Variants in GPR176 observed in about 807,000 individuals in gnomAD.
GPR176 encodes G-protein coupled receptor 176.
In GPR176, 26 loss-of-function variants were observed where a neutral mutation model predicts 35.4. The observed-to-expected ratio is 0.74, with a 90% CI of 0.54 to 1.02. The LOEUF (loss-of-function observed/expected upper bound fraction) is 1.02. Among genes scored for constraint, GPR176 ranks in the 50% least tolerant of loss-of-function variants. GPR176 has a pLI of 0.00. For synonymous variants in GPR176, 278 were observed against 271.3 expected (o/e 1.02, Z -0.24); for missense variants, 597 against 665.3 (o/e 0.90, Z 1.13).
intron 1 of GPR176, among the ~76,000 whole-genome samples, chr15:39,860,122 TAATAA>T (rs1190734677): frequency 6.6e-6 from 1 of 152,090 alleles, no homozygotes; most frequent in Non-Finnish European, 1.5e-5. Context: ...AATACTAGAG[TAATAA>T]AAAAAGTCTA....
Position 39,858,455 on chromosome 15 carries a change from C to A in GPR176, c.173-51197G>T, listed in dbSNP as rs184981485. 1.4e-3 allele frequency among the ~76,000 whole-genome samples: 219 copies of A among 152,120 alleles called. 1 individual carries two copies. Among genetic ancestry groups the A allele is most frequent in the Non-Finnish European group, 2.2e-3 (148 of 67,986 alleles). ...GAAGGGCTGGGCAGAGCAGCTCATGCCTGTAATTTCAGCACTTTGGGAGGC... is the reference window on the plus strand; with the variant it reads ...GAAGGGCTGGGCAGAGCAGCTCATGACTGTAATTTCAGCACTTTGGGAGGC... On this transcript the variant is annotated intron_variant, in intron 1 of 2. Transcript: ENST00000561100.
chr15:39,890,033 C>T (rs961829737), intron 1 of GPR176, among the ~76,000 whole-genome samples: 22 of 152,144 alleles, frequency 1.4e-4, no homozygotes, highest in African/African-American at 5.3e-4. Context: ...ATATTTTCAT[C>T]ATGGCCAATT....
At chr15:39,893,704 C>T (rs1013724345) in intron 1 of GPR176, among the ~76,000 whole-genome samples, 12 of 151,516 alleles carry the variant, frequency 7.9e-5, no homozygotes, top group African/African-American at 2.9e-4. Flanking sequence ...CCATCACCTC[C>T]CGGGCGGGGC....
chr15:39,854,494 A>G (rs929588749), intron 1 of GPR176, among the ~76,000 whole-genome samples: 1 of 152,178 alleles, frequency 6.6e-6, no homozygotes, highest in South Asian at 2.1e-4. Context: ...TTAGAATCTC[A>G]GGGTCTGTAG....
chr15:39,905,973 A>G (rs1320742705), intron 1 of GPR176, among the ~76,000 whole-genome samples: 2 of 152,144 alleles, frequency 1.3e-5, no homozygotes, highest in Admixed American at 6.5e-5. Flanking sequence ...CCACTGGGGG[A>G]AACTGGGTAA....
chr15:39,801,111 T>C lies in GPR176; in HGVS notation c.*21A>G. On this transcript the variant is annotated 3_prime_UTR_variant, in exon 3 of 3. Coordinates refer to ENST00000561100, the MANE Select transcript of GPR176 (RefSeq NM_007223.3). ...GGGAATATGGAAGCTCCCCGTTGCT[T>C]CCAAGAATTTACAATCCTTGCTAGG... The C allele has an allele frequency of 6.4e-7, 1 of 1,565,806 alleles. No individual in the cohort carries two copies. Among genetic ancestry groups the C allele is most frequent in the Non-Finnish European group, 8.7e-7 (1 of 1,154,014 alleles).
chr15:39,876,144 G>A (rs1012279609), intron 1 of GPR176, among the ~76,000 whole-genome samples: 11 of 151,784 alleles, frequency 7.2e-5, no homozygotes, highest in African/African-American at 2.2e-4. Flanking sequence ...CAGCCTGGGT[G>A]ACAGAGTGAG....
chr15:39,820,410 A>T (rs1237119046), intron 1 of GPR176, among the ~76,000 whole-genome samples: 2 of 152,176 alleles, frequency 1.3e-5, no homozygotes, highest in Non-Finnish European at 2.9e-5. Context: ...CAATAAGAGA[A>T]TGGAATAAAT....
intron 1 of GPR176, among the ~76,000 whole-genome samples, chr15:39,823,605 C>A (rs1231038639): frequency 6.6e-6 from 1 of 152,206 alleles, no homozygotes; most frequent in Non-Finnish European, 1.5e-5. Flanking sequence ...GCTCCTCCAG[C>A]CCATCTAACA....
At chr15:39,833,469 A>G (rs1350883522) in intron 1 of GPR176, among the ~76,000 whole-genome samples, 1 of 152,164 alleles carries the variant, frequency 6.6e-6, no homozygotes, top group Admixed American at 6.6e-5. Flanking sequence ...AACAGAGAGT[A>G]GATTCATGAT....
chr15:39,863,150 C>T (rs2031679982), intron 1 of GPR176, among the ~76,000 whole-genome samples: 1 of 151,232 alleles, frequency 6.6e-6, no homozygotes, highest in African/African-American at 2.4e-5. Context: ...AGCTCCGACT[C>T]CTGGGTTCAT....
At chr15:39,874,996 C>T (rs1175301246) in intron 1 of GPR176, among the ~76,000 whole-genome samples, 3 of 152,102 alleles carry the variant, frequency 2.0e-5, no homozygotes, top group Admixed American at 2.0e-4. Flanking sequence ...GAGCCAAGAT[C>T]GCGCCATTGC....
intron 1 of GPR176, among the ~76,000 whole-genome samples, chr15:39,820,066 C>T (rs372141336): frequency 5.3e-5 from 8 of 152,294 alleles, no homozygotes; most frequent in African/African-American, 1.7e-4. Context: ...AGATTTGGGA[C>T]ACTCTCCCAC....
In GPR176 at chr15:39,897,613, T is replaced by TTC. The variant is rs1490082060; in HGVS notation, c.172+22241_172+22242insGA. 4.8e-5 allele frequency among the ~76,000 whole-genome samples: 7 copies of TTC among 146,236 alleles called. No individual in the cohort carries two copies. The East Asian group carries it at 9.9e-4, about 21-fold the overall frequency. The stretch of plus-strand genomic sequence containing the variant: ...AACATCCAAATATTTTTTTTTTTTT[T>TTC]TTTTTTTTTTTGAGACGGAGTCTCG... On this transcript the variant is annotated intron_variant, in intron 1 of 2. Coordinates refer to ENST00000561100, the MANE Select transcript of GPR176 (RefSeq NM_007223.3).
intron 1 of GPR176, among the ~76,000 whole-genome samples, chr15:39,816,558 T>C (rs183214906): frequency 1.3e-5 from 2 of 152,338 alleles, no homozygotes; most frequent in East Asian, 1.9e-4. Context: ...GACCTTGGCA[T>C]TGTTTCATTA....
chr15:39,801,292 T>A lies in GPR176; in HGVS notation c.1388A>T (p.Gln463Leu). 1 of 1,614,170 alleles carries A rather than the reference T, an allele frequency of 6.2e-7. No homozygotes were observed. The highest frequency in any genetic ancestry group is 8.5e-7 in the Non-Finnish European group (1 of 1,180,002). The change falls in exon 3 of 3, where the codon CAG becomes CTG. Residue 463 changes from glutamine (Q) to leucine (L), a missense_variant. Coordinates refer to ENST00000561100, the MANE Select transcript of GPR176 (RefSeq NM_007223.3). ...GCTGTTTCGGGTCTCTGAGAGCCAC[T>A]GAGGAGGCAACTCAAAAGGCCCAAA... Reference protein sequence around the residue: ...FGFGPFELPPQWLSETRNSKK... With the variant: ...FGFGPFELPPLWLSETRNSKK...
intron 1 of GPR176, among the ~76,000 whole-genome samples, chr15:39,877,819 C>T (rs1040860869): frequency 7.9e-5 from 12 of 152,024 alleles, no homozygotes; most frequent in African/African-American, 2.9e-4. Context: ...GCCTTGGCCT[C>T]CCACAACACT....
intron 1 of GPR176, among the ~76,000 whole-genome samples, chr15:39,819,731 T>C (rs777392145): frequency 2.6e-5 from 4 of 152,174 alleles, no homozygotes; most frequent in African/African-American, 4.8e-5. Flanking sequence ...CCAGTAACTA[T>C]AATTATGCAG....
At chr15:39,880,973 G>T (rs2032452023) in intron 1 of GPR176, among the ~76,000 whole-genome samples, 1 of 151,986 alleles carries the variant, frequency 6.6e-6, no homozygotes, top group Admixed American at 6.6e-5. Flanking sequence ...CCTTATCACT[G>T]CCCTGTTTAA....
Sources: gnomAD v4.1 joint callset for allele counts (sites outside exome capture counted in the v4.1 genomes callset) on GRCh38, gnomAD v4.1.1 for gene constraint, MANE v1.5 for transcripts, NCBI Gene and HGNC (gene_info 2026-07-23, HGNC 2026-07-21) for gene names.